The following TSHZ2 variants were observed in gnomAD, a reference collection of about 807,000 sequenced individuals.
TSHZ2 encodes teashirt homolog 2.
In TSHZ2, 21 loss-of-function variants were observed where a neutral mutation model predicts 74.4. The ratio of observed to expected loss-of-function variants is 0.28; its 90% CI spans 0.20 to 0.41. The LOEUF (loss-of-function observed/expected upper bound fraction) is 0.41, where lower values mean the gene tolerates loss of function less well. Ranked by LOEUF, TSHZ2 falls within the 10% of genes least tolerant of loss-of-function variation. TSHZ2 has a pLI of 1.00. For missense variants in TSHZ2, 1,244 were observed against 1,293.5 expected, an observed-to-expected ratio of 0.96 and a Z score of 0.59; for synonymous variants, 540 against 515.3, an observed-to-expected ratio of 1.05 and a Z score of -0.65.
intron 1 of TSHZ2, among the ~76,000 whole-genome samples, chr20:53,234,467 A>G (rs963790058): frequency 1.3e-5 from 2 of 152,240 alleles, no homozygotes; most frequent in Non-Finnish European, 2.9e-5. Context: ...ACAATTAACA[A>G]TAGAAATAAT....
intron 1 of TSHZ2, among the ~76,000 whole-genome samples, chr20:53,141,399 T>C (rs1413975602): frequency 1.3e-5 from 2 of 152,236 alleles, no homozygotes; most frequent in African/African-American, 4.8e-5. Flanking sequence ...CTGGCCTCCT[T>C]CTATTTATGA....
At chr20:53,315,396 T>G (rs183327212) in intron 2 of TSHZ2, among the ~76,000 whole-genome samples, 1 of 152,360 alleles carries the variant, frequency 6.6e-6, no homozygotes, top group African/African-American at 2.4e-5. Flanking sequence ...CAGCAAACTT[T>G]CCACGTTTTG....
At chr20:53,261,759 C>T (rs1229284769) in intron 2 of TSHZ2, among the ~76,000 whole-genome samples, 1 of 152,154 alleles carries the variant, frequency 6.6e-6, no homozygotes, top group Non-Finnish European at 1.5e-5. Flanking sequence ...TAACCAGATG[C>T]AATTCTTTTT....
chr20:53,256,981 G>A lies in TSHZ2; in HGVS notation c.*8+410G>A, dbSNP rs1990496472. Among the ~76,000 whole-genome samples the A allele has an allele frequency of 6.6e-6, 1 of 152,184 alleles. No individual in the cohort carries two copies. Among genetic ancestry groups the A allele is most frequent in the Non-Finnish European group, 1.5e-5 (1 of 68,024 alleles). On this transcript the variant is annotated intron_variant, in intron 2 of 2. Coordinates refer to ENST00000371497, the MANE Select transcript of TSHZ2 (RefSeq NM_173485.6). This position sits in a 1 kb window ranked among gnomAD's most constrained non-coding sequence, Gnocchi z 4.3. The stretch of plus-strand genomic sequence containing the variant: ...TAGCAATGCCAATGACTTATAAAGT[G>A]ACAAAAAGTTGAGCAATGGAAGAAA...
At chr20:53,073,358 G>GTCCC (rs199998393) in intron 1 of TSHZ2, among the ~76,000 whole-genome samples, 2,260 of 110,774 alleles carry the variant, frequency 0.02, 40 homozygotes, top group South Asian at 0.057. Context: ...TCCTTCATCT[G>GTCCC]TCCCTCCCTC....
intron 1 of TSHZ2, among the ~76,000 whole-genome samples, chr20:53,118,947 TGGGAGCGAGA>T (rs1986739341): frequency 1.3e-5 from 2 of 152,166 alleles, no homozygotes; most frequent in East Asian, 3.9e-4. Flanking sequence ...ATGGCTGAAG[TGGGAGCGAGA>T]GGGAGAGAGA....
chr20:53,214,280 A>G (rs75255810), intron 1 of TSHZ2, among the ~76,000 whole-genome samples: 1 of 152,188 alleles, frequency 6.6e-6, no homozygotes, highest in South Asian at 2.1e-4. Flanking sequence ...GAGGGAGCGG[A>G]TGATGGACGA....
At chr20:53,334,831 G>C (rs1475507894) in intron 2 of TSHZ2, among the ~76,000 whole-genome samples, 1 of 151,964 alleles carries the variant, frequency 6.6e-6, no homozygotes, top group African/African-American at 2.4e-5. Flanking sequence ...CTACAGGCAT[G>C]CACCACCACG....
At chr20:53,138,469 C>T (rs577190535) in intron 1 of TSHZ2, among the ~76,000 whole-genome samples, 141 of 152,210 alleles carry the variant, frequency 9.3e-4, no homozygotes, top group Admixed American at 9.2e-4. Flanking sequence ...TGCCTATTCT[C>T]CCTCCACACA....
At chr20:52,975,052 T>C (rs1910974459) in intron 1 of TSHZ2, among the ~76,000 whole-genome samples, 1 of 152,216 alleles carries the variant, frequency 6.6e-6, no homozygotes, top group Non-Finnish European at 1.5e-5. Context: ...TCCTAAAACT[T>C]AGGCTGCTTT....
At chr20:53,383,660 C>G (rs1981939377) in intron 2 of TSHZ2, among the ~76,000 whole-genome samples, 1 of 152,102 alleles carries the variant, frequency 6.6e-6, no homozygotes, top group South Asian at 2.1e-4. Flanking sequence ...ACTCGGGAGG[C>G]TGAAGCAGGA....
At chr20:53,481,605 T>A (rs935958482) in intron 2 of TSHZ2, among the ~76,000 whole-genome samples, 16 of 151,732 alleles carry the variant, frequency 1.1e-4, no homozygotes, top group African/African-American at 2.4e-4. Context: ...AAAAGAATTT[T>A]AAAAAAATAA....
chr20:53,288,948 G>A (rs1991226561), intron 2 of TSHZ2, among the ~76,000 whole-genome samples: 1 of 152,128 alleles, frequency 6.6e-6, no homozygotes, highest in South Asian at 2.1e-4. Flanking sequence ...CCAATGTGTA[G>A]TCTTTTATCC....
In TSHZ2 at chr20:53,492,738, G is replaced by T. The variant is rs542386667; in HGVS notation, c.*5603G>T. On this transcript the variant is annotated 3_prime_UTR_variant, in exon 3 of 3. Coordinates refer to ENST00000371497, the MANE Select transcript of TSHZ2 (RefSeq NM_173485.6). ...GAAACCTGATATCAAACACATTTAT[G>T]TTATATATTTGCTCCCTTGCATTAA... 7 of 152,190 alleles carry T rather than the reference G, an allele frequency of 4.6e-5. No homozygotes were observed. Among genetic ancestry groups the T allele is most frequent in the Non-Finnish European group, 1.0e-4 (7 of 68,014 alleles). 9.4% of individuals were successfully genotyped at this position (152,190 alleles called of 1,614,324 possible).
chr20:53,270,670 C>T (rs908154034), intron 2 of TSHZ2, among the ~76,000 whole-genome samples: 1 of 152,036 alleles, frequency 6.6e-6, no homozygotes, highest in Non-Finnish European at 1.5e-5. Context: ...TGCCTCCCCC[C>T]CAAAAAAAGC....
intron 2 of TSHZ2, chr20:53,421,519 G>A (rs1033205789): frequency 4.3e-5 from 10 of 232,692 alleles, no homozygotes; most frequent in East Asian, 1.1e-4. Context: ...TGCCAAAATC[G>A]AGTGGCTGGA....
intron 1 of TSHZ2, chr20:53,185,204 G>A: frequency 1.0e-6 from 1 of 987,446 alleles, no homozygotes; most frequent in South Asian, 4.7e-5. Context: ...ATTTGTCTGG[G>A]AGCTTTTTAC....
intron 2 of TSHZ2, among the ~76,000 whole-genome samples, chr20:53,382,030 C>T (rs1981877553): frequency 6.6e-6 from 1 of 152,064 alleles, no homozygotes; most frequent in African/African-American, 2.4e-5. Flanking sequence ...GGCTGGCTCA[C>T]ACCCTCCTTG....
intron 2 of TSHZ2, among the ~76,000 whole-genome samples, chr20:53,459,222 T>G (rs1164102756): frequency 1.3e-5 from 2 of 152,208 alleles, no homozygotes; most frequent in Non-Finnish European, 2.9e-5. Flanking sequence ...CAGGACATGC[T>G]TTATGAATCT....
Sources: allele counts gnomAD v4.1 joint callset (sites outside exome capture counted in the v4.1 genomes callset), GRCh38; gene constraint gnomAD v4.1.1; non-coding constraint Gnocchi (gnomAD v3.1); transcripts MANE v1.5; gene names NCBI Gene and HGNC (gene_info 2026-07-23, HGNC 2026-07-21).